Variants in ITGA8 observed in about 807,000 individuals in gnomAD.
The protein encoded by ITGA8 is integrin subunit alpha 8, also known as integrin alpha-8.
ITGA8 carries 91 observed loss-of-function variants against 142.3 expected under a neutral mutation model. The observed-to-expected ratio is 0.64, with a 90% CI of 0.54 to 0.76. The LOEUF is 0.76. Among genes scored for constraint, ITGA8 ranks in the 30% least tolerant of loss-of-function variants. The pLI is 0.00. For missense variants in ITGA8, 1,406 were observed against 1,327.7 expected (o/e 1.06, Z -0.92); for synonymous variants, 505 against 485.2 (o/e 1.04, Z -0.54).
At chr10:15,520,618 A>G (rs1212896239) in intron 28 of ITGA8, among the ~76,000 whole-genome samples, 1 of 152,214 alleles carries the variant, frequency 6.6e-6, no homozygotes, top group Non-Finnish European at 1.5e-5. Flanking sequence ...CCGGAGGCCG[A>G]GGCAGCAAAG....
chr10:15,644,435 TA>T (rs1177412919), intron 12 of ITGA8, among the ~76,000 whole-genome samples: 5 of 5,826 alleles, frequency 8.6e-4, no homozygotes, highest in Non-Finnish European at 1.2e-3. Flanking sequence ...GTCAGGCTAA[TA>T]TATATATATA....
At chr10:15,586,350 C>T (rs545736669) in intron 23 of ITGA8, among the ~76,000 whole-genome samples, 9 of 151,956 alleles carry the variant, frequency 5.9e-5, no homozygotes, top group East Asian at 5.8e-4. Context: ...TGAGCCACCG[C>T]GCCTGGCATA....
At chr10:15,544,666 C>T (rs1202041095) in intron 27 of ITGA8, among the ~76,000 whole-genome samples, 3 of 152,178 alleles carry the variant, frequency 2.0e-5, no homozygotes, top group Admixed American at 6.5e-5. Context: ...GTGGTAGCAA[C>T]CCTCCAAGAT....
intron 27 of ITGA8, among the ~76,000 whole-genome samples, chr10:15,544,973 G>A (rs1011537867): frequency 3.9e-5 from 6 of 152,152 alleles, no homozygotes; most frequent in Non-Finnish European, 5.9e-5. Context: ...AGCCCCTCAA[G>A]CCTTCAGATG....
chr10:15,572,991 CA>C (rs1402207537), intron 24 of ITGA8, among the ~76,000 whole-genome samples: 2 of 152,200 alleles, frequency 1.3e-5, no homozygotes, highest in Non-Finnish European at 2.9e-5. Context: ...TTGGAGGACA[CA>C]AAATTGTTTG....
At chr10:15,618,746 C>A (rs6602049) in intron 13 of ITGA8, among the ~76,000 whole-genome samples, 100,575 of 152,024 alleles carry the variant, frequency 0.66, 34,858 homozygotes, top group South Asian at 0.86. Context: ...TGCCCTCGAA[C>A]ATCAGACTCC....
intron 21 of ITGA8, among the ~76,000 whole-genome samples, chr10:15,593,541 A>T (rs1463894157): frequency 6.6e-6 from 1 of 152,210 alleles, no homozygotes; most frequent in African/African-American, 2.4e-5. Flanking sequence ...ATCTGTTATC[A>T]CAGCCACTAT....
At chr10:15,547,595 A>C (rs1395419314) in intron 27 of ITGA8, among the ~76,000 whole-genome samples, 3 of 152,114 alleles carry the variant, frequency 2.0e-5, no homozygotes, top group East Asian at 3.9e-4. Flanking sequence ...CAACAAAAAA[A>C]AGTGCACAAA....
intron 23 of ITGA8, among the ~76,000 whole-genome samples, chr10:15,586,049 A>ATTTTTTTTTTTTTTT (rs59435924): frequency 3.9e-5 from 3 of 76,816 alleles, no homozygotes; most frequent in African/African-American, 1.6e-4. Flanking sequence ...GAATAAAGTG[A>ATTTTTTTTTTTTTTT]TTTTTTTTTT....
intron 17 of ITGA8, among the ~76,000 whole-genome samples, chr10:15,607,440 T>C (rs1232904243): frequency 6.6e-6 from 1 of 152,152 alleles, no homozygotes; most frequent in Non-Finnish European, 1.5e-5. Flanking sequence ...AATGCCATTA[T>C]AAAGATTTTG....
intron 8 of ITGA8, among the ~76,000 whole-genome samples, chr10:15,663,516 A>G (rs1834328640): frequency 6.6e-6 from 1 of 151,602 alleles, no homozygotes; most frequent in Non-Finnish European, 1.5e-5. Context: ...CTTGTGCATC[A>G]TTATTTATTT....
chr10:15,661,962 T>C (rs1034189835), intron 8 of ITGA8, among the ~76,000 whole-genome samples: 2 of 152,138 alleles, frequency 1.3e-5, no homozygotes, highest in Non-Finnish European at 2.9e-5. Context: ...TATAATAGGG[T>C]TGACTGATTT....
chr10:15,700,546 C>A (rs754637083), intron 2 of ITGA8, among the ~76,000 whole-genome samples: 1 of 152,196 alleles, frequency 6.6e-6, no homozygotes, highest in Middle Eastern at 3.4e-3. Flanking sequence ...AAACATGCAG[C>A]CAAACCAAAG....
At chr10:15,599,692 A>T (rs1420864701) in intron 20 of ITGA8, among the ~76,000 whole-genome samples, 2 of 141,808 alleles carry the variant, frequency 1.4e-5, no homozygotes, top group East Asian at 2.1e-4. Flanking sequence ...AGGCCGAGGC[A>T]GGTGGATCGC....
chr10:15,653,247 CTT>C (rs1173836265), intron 11 of ITGA8, among the ~76,000 whole-genome samples: 1 of 152,188 alleles, frequency 6.6e-6, no homozygotes, highest in African/African-American at 2.4e-5. Context: ...TAGCTGGACT[CTT>C]AACCCTGAGA....
intron 7 of ITGA8, among the ~76,000 whole-genome samples, 172 bp downstream of exon 7, chr10:15,672,452 G>A (rs534951580): frequency 1.1e-4 from 17 of 152,206 alleles, no homozygotes; most frequent in East Asian, 7.7e-4. Flanking sequence ...TACACATCGC[G>A]GCTGGAAAAA....
chr10:15,601,004 C>T (rs561006512), intron 20 of ITGA8, among the ~76,000 whole-genome samples: 7 of 152,212 alleles, frequency 4.6e-5, no homozygotes, highest in African/African-American at 1.7e-4. Context: ...CTTTGGGAGG[C>T]CAAGGCTGGG....
At chr10:15,558,312 C>A in intron 25 of ITGA8, 110 bp from the exon 26 acceptor site, 1 of 1,250,672 alleles carries the variant, frequency 8.0e-7, no homozygotes, top group Non-Finnish European at 1.1e-6. Flanking sequence ...ATATGATTCA[C>A]ATGAGGATCC....
intron 2 of ITGA8, among the ~76,000 whole-genome samples, chr10:15,713,845 G>A (rs1588747228): frequency 6.6e-6 from 1 of 151,934 alleles, no homozygotes; most frequent in East Asian, 1.9e-4. Flanking sequence ...TCCATTTTAA[G>A]TTTTCTTTTC....
Sources: allele counts gnomAD v4.1 joint callset (sites outside exome capture counted in the v4.1 genomes callset), GRCh38; gene constraint gnomAD v4.1.1; transcripts MANE v1.5; gene names NCBI Gene and HGNC (gene_info 2026-07-23, HGNC 2026-07-21).